Variants in WWOX observed in about 807,000 individuals in gnomAD.
WWOX encodes the protein WW domain-containing oxidoreductase.
In WWOX, 69 loss-of-function variants were observed where a neutral mutation model predicts 46.2. The observed-to-expected ratio is 1.49, with a 90% CI of 1.23 to 1.82. WWOX has a LOEUF of 1.82. Among genes scored for constraint, WWOX ranks in the 40% most tolerant of loss-of-function variants. WWOX has a pLI of 0.00. For missense variants in WWOX, 919 were observed against 542.6 expected (o/e 1.69, Z -6.89); for synonymous variants, 359 against 202.6 (o/e 1.77, Z -6.56).
intron 8 of WWOX, among the ~76,000 whole-genome samples, chr16:78,510,744 C>T (rs1192140309): frequency 1.3e-5 from 2 of 152,154 alleles, no homozygotes; most frequent in Non-Finnish European, 2.9e-5. Context: ...GTATGATAAA[C>T]ATATGTGTGT....
chr16:79,203,298 T>C (rs1452938803), intron 8 of WWOX: 1 of 152,216 alleles, frequency 6.6e-6, no homozygotes, highest in Non-Finnish European at 1.5e-5. Flanking sequence ...ACCTGAGAAA[T>C]GGTCTGTTCC....
chr16:78,928,707 T>A (rs1377889308), intron 8 of WWOX, among the ~76,000 whole-genome samples: 1 of 152,206 alleles, frequency 6.6e-6, no homozygotes, highest in Non-Finnish European at 1.5e-5. Context: ...TTGGTATATT[T>A]GGCTCTCTTT....
rs1247003558 is a variant in WWOX at position 78,918,874 on chromosome 16, T to C, written c.1057-292734T>C. Among the ~76,000 whole-genome samples, 4 of 152,184 alleles carry C rather than the reference T, an allele frequency of 2.6e-5. 1 individual carries two copies. The South Asian group carries it at 8.3e-4, about 31-fold the overall frequency. On this transcript the variant is annotated intron_variant, in intron 8 of 8. Transcript: ENST00000566780. Reference sequence around the variant, plus strand: ...TCCGTCGTTCCAAATATGAGCACTTTCTCTTGTCTTTTCTGAGCTACCTAT... The same window carrying C: ...TCCGTCGTTCCAAATATGAGCACTTCCTCTTGTCTTTTCTGAGCTACCTAT...
intron 8 of WWOX, among the ~76,000 whole-genome samples, chr16:78,760,598 C>G (rs955885455): frequency 6.6e-6 from 1 of 152,192 alleles, no homozygotes; most frequent in African/African-American, 2.4e-5. Context: ...GTGTCTGTGT[C>G]TCCCCTCCAA....
intron 5 of WWOX, among the ~76,000 whole-genome samples, chr16:78,296,264 A>G (rs2151863805): frequency 6.6e-6 from 1 of 150,730 alleles, no homozygotes; most frequent in Admixed American, 6.6e-5. Flanking sequence ...ATGTACCGCC[A>G]CAGATGTCGG....
At chr16:78,101,445 C>T (rs1341282498) in intron 1 of WWOX, among the ~76,000 whole-genome samples, 3 of 149,522 alleles carry the variant, frequency 2.0e-5, no homozygotes, top group Non-Finnish European at 4.4e-5. Context: ...ATGCCGAGTT[C>T]AAGCGATTCT....
intron 8 of WWOX, among the ~76,000 whole-genome samples, chr16:78,987,614 C>T (rs1327604126): frequency 6.6e-6 from 1 of 152,098 alleles, no homozygotes; most frequent in African/African-American, 2.4e-5. Context: ...CCTCTATGCT[C>T]CCTCATGTTT....
chr16:78,540,902 T>C (rs973952594), intron 8 of WWOX, among the ~76,000 whole-genome samples: 13 of 152,092 alleles, frequency 8.5e-5, no homozygotes, highest in African/African-American at 3.1e-4. Context: ...CCTAGGCTGA[T>C]CTAGAACTCC....
intron 8 of WWOX, among the ~76,000 whole-genome samples, chr16:78,680,174 C>A (rs1170193734): frequency 2.0e-5 from 3 of 152,200 alleles, no homozygotes; most frequent in Non-Finnish European, 4.4e-5. Context: ...CTGAGGGAGG[C>A]TGAGGCTGGT....
intron 8 of WWOX, among the ~76,000 whole-genome samples, chr16:78,644,720 C>T (rs1313401264): frequency 6.6e-6 from 1 of 152,208 alleles, no homozygotes; most frequent in Non-Finnish European, 1.5e-5. Context: ...GCCTTTGCCT[C>T]CCAAAGTGCT....
intron 8 of WWOX, among the ~76,000 whole-genome samples, chr16:79,148,069 T>G (rs2050212482): frequency 6.6e-6 from 1 of 152,206 alleles, no homozygotes; most frequent in Non-Finnish European, 1.5e-5. Flanking sequence ...ATAAAAGTAT[T>G]TAGTTTTAAT....
In WWOX at chr16:78,867,255, C is replaced by T. The variant is rs536812932; in HGVS notation, c.1057-344353C>T. The stretch of plus-strand genomic sequence containing the variant: ...TAGGTGCAAAGGACAATGGAGTGAA[C>T]ATCTTGGCTTGGTTAACAGAAGAAA... On this transcript the variant is annotated intron_variant, in intron 8 of 8. Transcript: ENST00000566780. Among the ~76,000 whole-genome samples, 5 of 152,270 alleles carry T rather than the reference C, an allele frequency of 3.3e-5. No individual in the cohort carries two copies. In the East Asian group the frequency reaches 5.8e-4, roughly 18 times the overall value.
At chr16:79,095,705 G>A (rs2049053802) in intron 8 of WWOX, among the ~76,000 whole-genome samples, 1 of 152,086 alleles carries the variant, frequency 6.6e-6, no homozygotes, top group Admixed American at 6.6e-5. Context: ...GTGTGCCAGG[G>A]ACTGAGTTCT....
intron 8 of WWOX, among the ~76,000 whole-genome samples, chr16:79,048,145 G>A (rs576254852): frequency 1.2e-4 from 19 of 152,278 alleles, no homozygotes; most frequent in South Asian, 6.2e-4. Context: ...ATTTCATGGA[G>A]CATGGAGAAG....
At chr16:78,393,474 C>A (rs562323434) in intron 6 of WWOX, among the ~76,000 whole-genome samples, 1 of 152,230 alleles carries the variant, frequency 6.6e-6, no homozygotes, top group East Asian at 1.9e-4. Flanking sequence ...GCCTGGGCAA[C>A]GTAGTGAGAC....
chr16:78,872,670 C>G (rs1381450483), intron 8 of WWOX: 2 of 152,194 alleles, frequency 1.3e-5, no homozygotes, highest in East Asian at 1.9e-4. Context: ...AGCCAGTGCT[C>G]AAAACCATAG....
rs76066249 is a variant in WWOX at position 79,006,891 on chromosome 16, A to G, written c.1057-204717A>G. Among the ~76,000 whole-genome samples the G allele has an allele frequency of 9.2e-5, 14 of 152,214 alleles. No homozygotes were observed. The East Asian group carries it at 2.5e-3, about 27-fold the overall frequency. On this transcript the variant is annotated intron_variant, in intron 8 of 8. Transcript: ENST00000566780. ...CTTCCGCTTTAAGGACCTTTGTGAT[A>G]GTTTTGCACCCACTGGATGACCCAG... is the stretch of plus-strand genomic sequence containing the variant.
intron 8 of WWOX, among the ~76,000 whole-genome samples, chr16:78,760,252 C>T (rs894310465): frequency 6.6e-6 from 1 of 152,140 alleles, no homozygotes; most frequent in Non-Finnish European, 1.5e-5. Flanking sequence ...TATTCACTAC[C>T]ATGAGAACAA....
chr16:78,182,116 C>G (rs117626945), intron 5 of WWOX, among the ~76,000 whole-genome samples: 1 of 152,162 alleles, frequency 6.6e-6, no homozygotes, highest in Non-Finnish European at 1.5e-5. Context: ...ATGCCACTTG[C>G]GAAAACCATG....
Sources: gnomAD v4.1 joint callset for allele counts (sites outside exome capture counted in the v4.1 genomes callset) on GRCh38, gnomAD v4.1.1 for gene constraint, MANE v1.5 for transcripts, NCBI Gene and HGNC (gene_info 2026-07-23, HGNC 2026-07-21) for gene names.